Variants in ASIC2 observed in about 807,000 individuals in gnomAD.
ASIC2 encodes acid sensing ion channel subunit 2.
ASIC2 carries 25 observed loss-of-function variants against 57.3 expected under a neutral mutation model. The ratio of observed to expected loss-of-function variants is 0.44; its 90% confidence interval spans 0.32 to 0.61. The LOEUF (loss-of-function observed/expected upper bound fraction) is 0.61. ASIC2 is among the 20% of genes least tolerant of loss of function. The pLI, the probability that ASIC2 is intolerant of heterozygous loss-of-function variation, is 0.06. For synonymous variants in ASIC2, 319 were observed against 307.5 expected, an observed-to-expected ratio of 1.04 and a Z score of -0.39; for missense variants, 641 against 738.1, an observed-to-expected ratio of 0.87 and a Z score of 1.52.
At chr17:33,765,046 G>T (rs1910894219) in intron 1 of ASIC2, among the ~76,000 whole-genome samples, 1 of 152,098 alleles carries the variant, frequency 6.6e-6, no homozygotes, top group African/African-American at 2.4e-5. Flanking sequence ...TTCTGGAGGG[G>T]AAAAAGCAGC....
intron 1 of ASIC2, among the ~76,000 whole-genome samples, chr17:33,515,994 C>T (rs577238752): frequency 4.4e-4 from 67 of 151,752 alleles, no homozygotes; most frequent in Non-Finnish European, 5.9e-4. Flanking sequence ...CTACTTGGGG[C>T]GGGGGATGGC....
At chr17:33,400,206 G>C (rs564876304) in intron 1 of ASIC2, among the ~76,000 whole-genome samples, 1 of 152,192 alleles carries the variant, frequency 6.6e-6, no homozygotes, top group Non-Finnish European at 1.5e-5. Flanking sequence ...TGTGAGATGG[G>C]GGACAACTGA....
At chr17:33,329,624 C>G (rs1907223971) in intron 1 of ASIC2, among the ~76,000 whole-genome samples, 2 of 152,168 alleles carry the variant, frequency 1.3e-5, no homozygotes, top group South Asian at 2.1e-4. Flanking sequence ...TGTGTAACTT[C>G]TTTCTGAGGA....
chr17:33,023,594 A>G lies in ASIC2; in HGVS notation c.1349+267T>C, dbSNP rs188747372. Among the ~76,000 whole-genome samples the G allele has an allele frequency of 2.4e-3, 362 of 152,098 alleles. 1 individual carries two copies. Among genetic ancestry groups the G allele is most frequent in the Middle Eastern group, 0.01 (3 of 292 alleles). The stretch of plus-strand genomic sequence containing the variant: ...TCTCTCCTTCCCTATGCATCCCCCT[A>G]TGATAGCCAAAGTCACCCTATATAC... On this transcript the variant is annotated intron_variant, in intron 6 of 9. Transcript: ENST00000225823.
chr17:33,556,476 G>A (rs1915911877), intron 1 of ASIC2, among the ~76,000 whole-genome samples: 1 of 152,190 alleles, frequency 6.6e-6, no homozygotes. Flanking sequence ...GTAATGCCAA[G>A]GAGCCACTGG....
In ASIC2 at chr17:33,812,521, C is replaced by A. The variant is rs530789003; in HGVS notation, c.555+343457G>T. ...TGCTTCCAGGGTGGGGAGGATTACTCAAGAATGAGAGTAAGATGCTCTGGC... is the reference window on the plus strand; with the variant it reads ...TGCTTCCAGGGTGGGGAGGATTACTAAAGAATGAGAGTAAGATGCTCTGGC... On this transcript the variant is annotated intron_variant, in intron 1 of 9. Coordinates refer to the ASIC2 transcript ENST00000359872. 5.1e-4 allele frequency among the ~76,000 whole-genome samples: 77 copies of A among 152,170 alleles called. No individual in the cohort carries two copies. The South Asian group carries it at 0.015, about 30-fold the overall frequency.
intron 1 of ASIC2, among the ~76,000 whole-genome samples, chr17:34,045,128 C>T (rs76843348): frequency 0.13 from 19,848 of 152,142 alleles, 1,368 homozygotes; most frequent in South Asian, 0.19. Context: ...ATCCTGAGAA[C>T]CTGTGCAGGC....
At chr17:33,960,556 C>T (rs1215821392) in intron 1 of ASIC2, among the ~76,000 whole-genome samples, 1 of 152,150 alleles carries the variant, frequency 6.6e-6, no homozygotes, top group Non-Finnish European at 1.5e-5. Context: ...ATAACCTCAA[C>T]TCCTTAACCA....
At chr17:33,918,474 G>A (rs1449523128) in intron 1 of ASIC2, among the ~76,000 whole-genome samples, 1 of 152,100 alleles carries the variant, frequency 6.6e-6, no homozygotes, top group Non-Finnish European at 1.5e-5. Context: ...CTAGCTTTTT[G>A]TACTAAAAAG....
intron 1 of ASIC2, among the ~76,000 whole-genome samples, chr17:33,325,729 A>C (rs1907049608): frequency 6.6e-6 from 1 of 152,138 alleles, no homozygotes; most frequent in South Asian, 2.1e-4. Flanking sequence ...GTAGAAGATC[A>C]TGGCTATAAT....
chr17:33,893,040 C>T (rs902064483), intron 1 of ASIC2, among the ~76,000 whole-genome samples: 2 of 152,130 alleles, frequency 1.3e-5, no homozygotes, highest in Admixed American at 6.5e-5. Flanking sequence ...ATAATAAACA[C>T]CAATTTCATT....
chr17:34,152,518 C>T (rs952811138), intron 1 of ASIC2, among the ~76,000 whole-genome samples: 7 of 152,168 alleles, frequency 4.6e-5, no homozygotes, highest in African/African-American at 1.7e-4. Context: ...AGCCACCTCT[C>T]CCTCCCTGGT....
chr17:34,146,477 G>A (rs562263807), intron 1 of ASIC2, among the ~76,000 whole-genome samples: 3 of 152,260 alleles, frequency 2.0e-5, no homozygotes, highest in African/African-American at 4.8e-5. Flanking sequence ...GGGAAGGTAG[G>A]GCGGGGGAAA....
chr17:33,657,730 G>A (rs1022492990), intron 1 of ASIC2, among the ~76,000 whole-genome samples: 2 of 141,604 alleles, frequency 1.4e-5, no homozygotes, highest in African/African-American at 5.3e-5. Context: ...CTCCAAGTCA[G>A]CTGCCTCAGA....
intron 1 of ASIC2, among the ~76,000 whole-genome samples, chr17:33,535,467 C>T (rs1915199709): frequency 6.6e-6 from 1 of 151,706 alleles, no homozygotes; most frequent in Admixed American, 6.6e-5. Flanking sequence ...TTAGTAGAGA[C>T]GGGTTTCATC....
intron 1 of ASIC2, among the ~76,000 whole-genome samples, chr17:33,341,098 T>G (rs1907702852): frequency 6.6e-6 from 1 of 152,180 alleles, no homozygotes; most frequent in Non-Finnish European, 1.5e-5. Flanking sequence ...AGTTTTGGAT[T>G]TGCAGCGATC....
At chr17:33,288,353 G>A (rs987479211) in intron 1 of ASIC2, among the ~76,000 whole-genome samples, 16 of 152,156 alleles carry the variant, frequency 1.1e-4, no homozygotes, top group African/African-American at 3.9e-4. Flanking sequence ...AGTTACAGCA[G>A]CAGCGGAAAC....
chr17:33,102,820 G>T (rs972944260), intron 2 of ASIC2, among the ~76,000 whole-genome samples: 1 of 152,136 alleles, frequency 6.6e-6, no homozygotes, highest in African/African-American at 2.4e-5. Flanking sequence ...GTCTCGCTCT[G>T]TCGCCCAGGC....
intron 1 of ASIC2, among the ~76,000 whole-genome samples, chr17:33,306,584 C>T (rs905455017): frequency 2.6e-5 from 4 of 152,168 alleles, no homozygotes; most frequent in African/African-American, 4.8e-5. Flanking sequence ...CAAGGGCTGT[C>T]GATGCTCCCT....
Sources: gnomAD v4.1 joint callset for allele counts (sites outside exome capture counted in the v4.1 genomes callset) on GRCh38, gnomAD v4.1.1 for gene constraint, MANE v1.5 for transcripts, NCBI Gene and HGNC (gene_info 2026-07-23, HGNC 2026-07-21) for gene names.